Variants in MICAL2 observed in about 807,000 individuals in gnomAD.
MICAL2 encodes [F-actin]-monooxygenase MICAL2.
In MICAL2, 77 loss-of-function variants were observed where a neutral mutation model predicts 127.3. The ratio of observed to expected loss-of-function variants is 0.60; its 90% CI spans 0.50 to 0.73. The LOEUF (loss-of-function observed/expected upper bound fraction) is 0.73. MICAL2 is among the 30% of genes least tolerant of loss of function. The pLI is 0.00. For synonymous variants in MICAL2, 570 were observed against 551.1 expected (o/e 1.03, Z -0.48); for missense variants, 1,351 against 1,434.4 (o/e 0.94, Z 0.94).
intron 29 of MICAL2, among the ~76,000 whole-genome samples, chr11:12,319,046 G>A (rs989946832): frequency 6.6e-5 from 10 of 152,172 alleles, no homozygotes; most frequent in African/African-American, 2.2e-4. Context: ...AATAAAAATG[G>A]CATTTGTTTA....
At chr11:12,121,792 T>C (rs1208148134) in intron 1 of MICAL2, 1 of 152,194 alleles carries the variant, frequency 6.6e-6, no homozygotes, top group Non-Finnish European at 1.5e-5. Context: ...GCTTTGACAT[T>C]TGAGCGGGGC....
At chr11:12,215,953 A>G (rs1471486353) in intron 7 of MICAL2, among the ~76,000 whole-genome samples, 2 of 152,158 alleles carry the variant, frequency 1.3e-5, no homozygotes, top group African/African-American at 4.8e-5. Flanking sequence ...ACCCGGCTCT[A>G]ACTTATACTG....
At chr11:12,168,540 A>G (rs546992945) in intron 3 of MICAL2, among the ~76,000 whole-genome samples, 38 of 151,866 alleles carry the variant, frequency 2.5e-4, no homozygotes, top group Non-Finnish European at 5.0e-4. Flanking sequence ...CTACACACAT[A>G]TCTATTTCTT....
chr11:12,191,468 T>A (rs1859099713), intron 3 of MICAL2, among the ~76,000 whole-genome samples: 1 of 55,990 alleles, frequency 1.8e-5, no homozygotes, highest in African/African-American at 5.2e-5. Context: ...CAAGACTATG[T>A]CTCAAAAAAA....
downstream of MICAL2, among the ~76,000 whole-genome samples, chr11:12,290,894 C>G (rs1460861052): frequency 6.6e-6 from 1 of 152,152 alleles, no homozygotes; most frequent in Non-Finnish European, 1.5e-5. Flanking sequence ...TGGGACTCTT[C>G]TTGGGATGGG....
At chr11:12,339,775 G>A (rs1419229405) in intron 32 of MICAL2, among the ~76,000 whole-genome samples, 3 of 152,166 alleles carry the variant, frequency 2.0e-5, no homozygotes, top group South Asian at 2.1e-4. Flanking sequence ...TTGGTGAACC[G>A]CAAATGCTGC....
At chr11:12,259,482 G>A (rs1862807800) in intron 25 of MICAL2, among the ~76,000 whole-genome samples, 1 of 152,098 alleles carries the variant, frequency 6.6e-6, no homozygotes, top group Admixed American at 6.5e-5. Context: ...TCTTACAAAT[G>A]TTTTTACAGT....
intron 6 of MICAL2, among the ~76,000 whole-genome samples, chr11:12,212,507 A>T (rs1025669851): frequency 6.6e-6 from 1 of 151,740 alleles, no homozygotes; most frequent in African/African-American, 2.4e-5. Context: ...CAAAAAACGA[A>T]TGAGAGCTAG....
At chr11:12,250,362 G>A (rs1565251242) in intron 22 of MICAL2, 1 of 152,202 alleles carries the variant, frequency 6.6e-6, no homozygotes, top group African/African-American at 2.4e-5. Flanking sequence ...AGAGAATGGG[G>A]TATCCATTCC....
At chr11:12,347,863 G>T (rs964989932) in intron 32 of MICAL2, among the ~76,000 whole-genome samples, 13 of 152,148 alleles carry the variant, frequency 8.5e-5, no homozygotes, top group African/African-American at 3.1e-4. Context: ...GATATAAAAT[G>T]ACATAGCAGG....
chr11:12,300,821 T>C (rs545316101), intron 29 of MICAL2, among the ~76,000 whole-genome samples: 6 of 152,166 alleles, frequency 3.9e-5, no homozygotes, highest in Non-Finnish European at 7.4e-5. Flanking sequence ...AACTGTAAGA[T>C]AATAAAAGGG....
Position 12,236,816 on chromosome 11 carries a change from G to A in MICAL2, c.2064+571G>A, listed in dbSNP as rs148788109. 4.6e-4 allele frequency among the ~76,000 whole-genome samples: 69 copies of A among 151,522 alleles called. 1 individual carries two copies. In the East Asian group the frequency reaches 0.012, roughly 26 times the overall value. ...AGAGTGTCAGTTCTTGCTTCCCTGG[G>A]CAGCTTTTAAAAGAGACCTGAGATA... On this transcript the variant is annotated intron_variant, in intron 16 of 27. Transcript: ENST00000683283.
chr11:12,307,822 A>T (rs1325282047), intron 29 of MICAL2, among the ~76,000 whole-genome samples: 1 of 152,196 alleles, frequency 6.6e-6, no homozygotes, highest in Non-Finnish European at 1.5e-5. Flanking sequence ...TGATCTATAC[A>T]ATCATCTTTA....
intron 22 of MICAL2, chr11:12,254,768 C>T (rs75739665): frequency 6.6e-6 from 1 of 152,148 alleles, no homozygotes; most frequent in Non-Finnish European, 1.5e-5. Context: ...GGCTCAGGAA[C>T]TTTGGAAGGC....
At chr11:12,126,550 G>T (rs564379937) in intron 1 of MICAL2, among the ~76,000 whole-genome samples, 2 of 152,234 alleles carry the variant, frequency 1.3e-5, no homozygotes, top group Admixed American at 6.5e-5. Context: ...CCTGATTGGG[G>T]AGGTGACTTA....
rs544638404 is a variant in MICAL2, at chr11:12,233,599, T to A, written c.1996-2578T>A. Reference sequence around the variant, plus strand: ...ATTGGCAGATATCTACGTCTTTGATTTTTTTTAATAGGAAAACCAATTAGT... The same window carrying A: ...ATTGGCAGATATCTACGTCTTTGATATTTTTTAATAGGAAAACCAATTAGT... On this transcript the variant is annotated intron_variant, in intron 15 of 27. Transcript: ENST00000683283. Among the ~76,000 whole-genome samples the A allele has an allele frequency of 3.9e-5, 6 of 152,344 alleles. No homozygotes were observed. The East Asian group carries it at 9.6e-4, about 24-fold the overall frequency.
upstream of MICAL2, among the ~76,000 whole-genome samples, chr11:12,275,679 G>A (rs1013647840): frequency 5.9e-5 from 9 of 152,216 alleles, no homozygotes; most frequent in South Asian, 4.1e-4. Context: ...GGATGTTGCC[G>A]TCTTGACAGC....
At chr11:12,220,833 ACG>A (rs1401084344) in intron 9 of MICAL2, among the ~76,000 whole-genome samples, 3 of 152,356 alleles carry the variant, frequency 2.0e-5, no homozygotes, top group African/African-American at 7.2e-5. Flanking sequence ...TTGAGATCAC[ACG>A]GAGTGCAGGA....
intron 3 of MICAL2, among the ~76,000 whole-genome samples, chr11:12,170,688 G>A (rs1281872094): frequency 1.3e-5 from 2 of 152,112 alleles, no homozygotes; most frequent in African/African-American, 4.8e-5. Flanking sequence ...ACCTCCTCCT[G>A]GGAGCCTTCC....
Sources: allele counts gnomAD v4.1 joint callset (sites outside exome capture counted in the v4.1 genomes callset), GRCh38; gene constraint gnomAD v4.1.1; transcripts MANE v1.5; gene names NCBI Gene and HGNC (gene_info 2026-07-23, HGNC 2026-07-21).